The following LLGL2 variants were observed in gnomAD, a reference collection of about 807,000 sequenced individuals.
LLGL2 encodes LLGL2, scribble cell polarity complex component.
A neutral mutation model predicts 123.2 loss-of-function variants in LLGL2; 81 were observed. The observed-to-expected ratio is 0.66, with a 90% CI of 0.55 to 0.79. The LOEUF is 0.79. Ranked by LOEUF, LLGL2 falls within the 30% of genes least tolerant of loss-of-function variation. LLGL2 has a pLI of 0.00. For synonymous variants in LLGL2, 577 were observed against 594.1 expected, an observed-to-expected ratio of 0.97 and a Z score of 0.42; for missense variants, 1,273 against 1,414.6, an observed-to-expected ratio of 0.90 and a Z score of 1.61.
At chr17:75,573,700 C>G in intron 21 of LLGL2, 69 bp downstream of exon 21, 2 of 1,237,030 alleles carry the variant, frequency 1.6e-6, no homozygotes, top group African/African-American at 1.9e-5. Context: ...GATACCGAGG[C>G]TCCCACTGCT....
In LLGL2 at chr17:75,569,037, A is replaced by G. The variant is rs2055571660; in HGVS notation, c.1382A>G (p.Tyr461Cys). Residue 461 changes from tyrosine (Y) to cysteine (C), a missense_variant, in exon 13 of 26, where the codon TAC becomes TGC. Physicochemically the swap from Tyr to Cys is radical, Grantham distance 194 (BLOSUM62 -2). Coordinates refer to ENST00000392550, the MANE Select transcript of LLGL2 (RefSeq NM_001031803.2). ...TCGGGTGTCTGCCTGCGGCTGCTCT[A>G]CAAACTCAGCACTGTGCGCGTGTTC... is the stretch of plus-strand genomic sequence containing the variant. Reference protein sequence around the residue: ...DASGVCLRLLYKLSTVRVFLT... With the variant: ...DASGVCLRLLCKLSTVRVFLT... 1.9e-6 allele frequency: 3 copies of G among 1,612,884 alleles called. No homozygotes were observed. The highest frequency in any genetic ancestry group is 1.6e-4 in the Middle Eastern group (1 of 6,062).
At position 75,571,724 on chromosome 17, in the gene LLGL2, TC is replaced by T. The variant is rs2055717428; in HGVS notation, c.2235del (p.Ser746ProfsTer25). ...ACCAATGGGGGCACCATCTATGCCT[TC>T]TCCCTGCGTGTGCCTCCCGCCGAGC... is the stretch of plus-strand genomic sequence containing the variant. ...AGTNGGTIYA[F>X]SLRVPPAERR... On this transcript the variant is annotated frameshift_variant, in exon 18 of 26. Transcript: ENST00000392550. LOFTEE classifies it high-confidence loss of function. 1 of 1,609,494 alleles carries T rather than the reference TC, an allele frequency of 6.2e-7. No individual in the cohort carries two copies. The highest frequency in any genetic ancestry group is 1.3e-5 in the African/African-American group (1 of 74,940).
chr17:75,558,099 A>G lies in LLGL2; in HGVS notation c.174-56A>G, dbSNP rs761297221. ...CATGGGCCCCGAGGGCCTGGCACTC[A>G]AGGCAGGCAGGGGATGGTGTCCGAC... is the stretch of plus-strand genomic sequence containing the variant. On this transcript the variant is annotated intron_variant, in intron 3 of 25. Transcript: ENST00000392550. The surrounding 1 kb of genome is among the most constrained non-coding windows in gnomAD (Gnocchi z 4.0). 1 of 1,536,304 alleles carries G rather than the reference A, an allele frequency of 6.5e-7. No homozygotes were observed. The highest frequency in any genetic ancestry group is 9.0e-7 in the Non-Finnish European group (1 of 1,109,668).
At chr17:75,526,030 C>T (rs1307668524) in intron 1 of LLGL2, among the ~76,000 whole-genome samples, 1 of 152,148 alleles carries the variant, frequency 6.6e-6, no homozygotes, top group Non-Finnish European at 1.5e-5. Flanking sequence ...GGAAACTTCT[C>T]TGCCTGATCT....
chr17:75,528,788 T>C (rs915443724), intron 1 of LLGL2, among the ~76,000 whole-genome samples: 1 of 151,964 alleles, frequency 6.6e-6, no homozygotes, highest in Non-Finnish European at 1.5e-5. Flanking sequence ...GTGATCGCTG[T>C]TCATTTAAAA....
intron 1 of LLGL2, among the ~76,000 whole-genome samples, chr17:75,537,254 G>C (rs567160536): frequency 1.3e-5 from 2 of 152,276 alleles, no homozygotes; most frequent in South Asian, 4.2e-4. Flanking sequence ...TCAAGGCCAG[G>C]AGACATGCAT....
intron 19 of LLGL2, 104 bp downstream of exon 19, chr17:75,572,168 T>A: frequency 8.5e-7 from 1 of 1,180,496 alleles, no homozygotes; most frequent in Non-Finnish European, 1.2e-6. Context: ...TGTTTGCAGT[T>A]GGTGTCTGAG....
intron 2 of LLGL2, among the ~76,000 whole-genome samples, chr17:75,545,191 C>G (rs1424409235): frequency 2.0e-5 from 3 of 152,218 alleles, no homozygotes; most frequent in African/African-American, 7.2e-5. Flanking sequence ...GGAGTTGTCC[C>G]TTCTTCTTTC....
intron 6 of LLGL2, among the ~76,000 whole-genome samples, chr17:75,560,560 C>T (rs2055155928): frequency 6.6e-6 from 1 of 152,094 alleles, no homozygotes; most frequent in African/African-American, 2.4e-5. Flanking sequence ...GATCTTGGCT[C>T]ACTGCAACCT....
At chr17:75,545,988 TAC>T (rs773386580) in intron 2 of LLGL2, among the ~76,000 whole-genome samples, 13 of 152,142 alleles carry the variant, frequency 8.5e-5, no homozygotes, top group African/African-American at 3.1e-4. Context: ...AGCACATACA[TAC>T]ACACACAGCC....
At chr17:75,537,358 C>T (rs1356857194) in intron 1 of LLGL2, among the ~76,000 whole-genome samples, 1 of 152,084 alleles carries the variant, frequency 6.6e-6, no homozygotes, top group Admixed American at 6.6e-5. Context: ...CTTGACCATT[C>T]TCAGGACTCT....
intron 1 of LLGL2, among the ~76,000 whole-genome samples, chr17:75,536,978 C>T (rs2054026037): frequency 6.6e-6 from 1 of 152,162 alleles, no homozygotes; most frequent in African/African-American, 2.4e-5. Context: ...CAGGCACCCA[C>T]CACCATGCCC....
chr17:75,566,909 T>C (rs1462088922), intron 10 of LLGL2, among the ~76,000 whole-genome samples: 1 of 152,052 alleles, frequency 6.6e-6, no homozygotes, highest in Non-Finnish European at 1.5e-5. Context: ...ATCGGGAAGG[T>C]GTCCATTTGG....
At chr17:75,574,092 G>A in intron 22 of LLGL2, 112 bp downstream of exon 22, 3 of 1,547,612 alleles carry the variant, frequency 1.9e-6, no homozygotes, top group Non-Finnish European at 2.6e-6. Flanking sequence ...GCTGGGAATA[G>A]AGACGGCATT....
chr17:75,532,051 T>TACACACACACACACACACAC (rs1470150170), intron 1 of LLGL2, among the ~76,000 whole-genome samples: 5 of 36,776 alleles, frequency 1.4e-4, no homozygotes, highest in African/African-American at 3.4e-4. Flanking sequence ...TATATATGTA[T>TACACACACACACACACACAC]ATATACACAC....
At position 75,558,721 on chromosome 17, in the gene LLGL2, C is replaced by G. The variant is rs759765759; in HGVS notation, c.371+94C>G. 4 of 991,568 alleles carry G rather than the reference C, an allele frequency of 4.0e-6. No homozygotes were observed. Among genetic ancestry groups the G allele is most frequent in the Non-Finnish European group, 6.1e-6 (4 of 650,468 alleles). 61.4% of individuals were successfully genotyped at this position (991,568 alleles called of 1,614,324 possible). A position where few individuals can be genotyped will look rare whatever the true frequency, so the allele number is the denominator to read the frequency against. ...GACTCACCCTTTGTGAGGCCTGTTG[C>G]GCCCCTGGCAGTGACTGGCATGCGT... On this transcript the variant is annotated intron_variant, in intron 5 of 25. Transcript: ENST00000392550. The surrounding 1 kb of genome is among the most constrained non-coding windows in gnomAD (Gnocchi z 4.0).
At chr17:75,539,177 C>G (rs1052320836) in intron 1 of LLGL2, among the ~76,000 whole-genome samples, 13 of 152,246 alleles carry the variant, frequency 8.5e-5, no homozygotes, top group Admixed American at 2.0e-4. Flanking sequence ...TCCACCTTAG[C>G]CTTTTGAGTG....
chr17:75,560,981 G>A (rs186006283), intron 6 of LLGL2, among the ~76,000 whole-genome samples: 37 of 152,106 alleles, frequency 2.4e-4, no homozygotes, highest in African/African-American at 8.0e-4. Flanking sequence ...ACAGGTGCAC[G>A]CCATCACACC....
In LLGL2 at chr17:75,569,049, C is replaced by T. The variant is rs2055572188; in HGVS notation, c.1394C>T (p.Thr465Ile). The T allele has an allele frequency of 1.2e-5, 19 of 1,612,824 alleles. No homozygotes were observed. The highest frequency in any genetic ancestry group is 1.5e-5 in the Non-Finnish European group (18 of 1,179,640). The stretch of plus-strand genomic sequence containing the variant: ...CTGCGGCTGCTCTACAAACTCAGCA[C>T]TGTGCGCGTGTTCCTCACCGACACG... ...VCLRLLYKLS[T>I]VRVFLTDTDP... Residue 465 changes from threonine (T) to isoleucine (I), a missense_variant, in exon 13 of 26, where the codon ACT becomes ATT. Physicochemically the swap from Thr to Ile is moderately conservative, Grantham distance 89. Transcript: ENST00000392550.
Sources: allele counts gnomAD v4.1 joint callset (sites outside exome capture counted in the v4.1 genomes callset), GRCh38; gene constraint gnomAD v4.1.1; non-coding constraint Gnocchi (gnomAD v3.1); transcripts MANE v1.5; gene names NCBI Gene and HGNC (gene_info 2026-07-23, HGNC 2026-07-21).